ARHGAP10: variants seen among roughly 807,000 people sequenced by gnomAD.
The protein encoded by ARHGAP10 is rho GTPase-activating protein 10.
In ARHGAP10, 87 loss-of-function variants were observed where a neutral mutation model predicts 108.6. The ratio of observed to expected loss-of-function variants is 0.80; its 90% CI spans 0.67 to 0.96. The LOEUF is 0.96. Among genes scored for constraint, ARHGAP10 ranks in the 40% least tolerant of loss-of-function variants. The probability of loss-of-function intolerance (pLI) is 0.00; values close to 1 mark genes in which losing one functional copy is unlikely to be tolerated. For synonymous variants in ARHGAP10, 347 were observed against 341.1 expected, an observed-to-expected ratio of 1.02 and a Z score of -0.19; for missense variants, 939 against 954.5, an observed-to-expected ratio of 0.98 and a Z score of 0.21.
intron 18 of ARHGAP10, among the ~76,000 whole-genome samples, chr4:147,971,152 C>A (rs1394771697): frequency 6.6e-6 from 1 of 150,378 alleles, no homozygotes; most frequent in African/African-American, 2.4e-5. Context: ...GGTCTTTCTT[C>A]CTTTGTTAAC....
intron 20 of ARHGAP10, among the ~76,000 whole-genome samples, chr4:148,050,884 C>T (rs990029070): frequency 5.3e-5 from 8 of 152,148 alleles, no homozygotes; most frequent in Non-Finnish European, 8.8e-5. Context: ...ATTAAGATTC[C>T]TTTTAACCAA....
intron 1 of ARHGAP10, among the ~76,000 whole-genome samples, chr4:147,782,998 T>C (rs551762090): frequency 3.1e-4 from 43 of 137,890 alleles, no homozygotes; most frequent in African/African-American, 1.1e-3. Context: ...TTATATATAT[T>C]ATATAAATTA....
chr4:148,070,331 A>AT (rs905385675), intron 22 of ARHGAP10, among the ~76,000 whole-genome samples: 34 of 152,204 alleles, frequency 2.2e-4, no homozygotes, highest in African/African-American at 8.2e-4. Context: ...AGGGAATAGC[A>AT]TTCAGGCCCA....
At chr4:147,781,185 C>T (rs1430853642) in intron 1 of ARHGAP10, among the ~76,000 whole-genome samples, 2 of 152,002 alleles carry the variant, frequency 1.3e-5, no homozygotes, top group Admixed American at 6.6e-5. Context: ...GGTGAAACCC[C>T]GTCTCTACTA....
At chr4:147,837,334 C>T (rs1346068229) in intron 3 of ARHGAP10, among the ~76,000 whole-genome samples, 1 of 152,158 alleles carries the variant, frequency 6.6e-6, no homozygotes. Flanking sequence ...TTATACGGTT[C>T]TGAAATTCTA....
rs1157488823 is a variant in ARHGAP10 at position 147,784,811 on chromosome 4, A to G, written c.155-37916A>G. 3.5e-3 allele frequency among the ~76,000 whole-genome samples: 94 copies of G among 27,092 alleles called. 13 individuals carry two copies. The highest frequency in any genetic ancestry group is 0.013 in the Non-Finnish European group (85 of 6,556). 17.8% of individuals were successfully genotyped at this position (27,092 alleles called of 152,430 possible). On this transcript the variant is annotated intron_variant, in intron 1 of 22. Coordinates refer to ENST00000336498, the MANE Select transcript of ARHGAP10 (RefSeq NM_024605.4). ...AAAATATATATTATAAATATAATAT[A>G]TTATAAAATATATATTATAAATATA...
At chr4:147,818,506 C>T (rs1027497319) in intron 1 of ARHGAP10, among the ~76,000 whole-genome samples, 16 of 144,664 alleles carry the variant, frequency 1.1e-4, no homozygotes, top group East Asian at 2.0e-4. Context: ...GCGGAGTTTG[C>T]GGTGAGCTGA....
intron 18 of ARHGAP10, among the ~76,000 whole-genome samples, chr4:148,002,921 C>T (rs1191992306): frequency 6.6e-6 from 1 of 152,122 alleles, no homozygotes; most frequent in East Asian, 1.9e-4. Context: ...TCCTTCAATT[C>T]TGCTCTGATC....
chr4:148,027,463 T>C (rs1052792092), intron 19 of ARHGAP10, among the ~76,000 whole-genome samples: 2 of 152,246 alleles, frequency 1.3e-5, no homozygotes, highest in Non-Finnish European at 2.9e-5. Flanking sequence ...GTTATTGTAG[T>C]CCTACAGCGT....
intron 9 of ARHGAP10, 68 bp from the exon 10 acceptor site, chr4:147,881,770 A>T (rs760986574): frequency 6.3e-6 from 9 of 1,437,274 alleles, no homozygotes; most frequent in Admixed American, 1.8e-5. Flanking sequence ...GCTCTCCAGT[A>T]TAGAATGGCT....
chr4:147,901,942 G>C (rs1460814424), intron 10 of ARHGAP10, among the ~76,000 whole-genome samples: 1 of 152,200 alleles, frequency 6.6e-6, no homozygotes, highest in African/African-American at 2.4e-5. Flanking sequence ...GAGAGGACAA[G>C]GAATTTCCTT....
At chr4:147,999,522 C>T (rs1740611718) in intron 18 of ARHGAP10, among the ~76,000 whole-genome samples, 2 of 152,204 alleles carry the variant, frequency 1.3e-5, no homozygotes, top group African/African-American at 4.8e-5. Flanking sequence ...TGCTCCTGAT[C>T]CAGTGAGGCG....
chr4:147,742,883 A>G (rs1728743265), intron 1 of ARHGAP10, among the ~76,000 whole-genome samples: 1 of 144,744 alleles, frequency 6.9e-6, no homozygotes, highest in Admixed American at 7.3e-5. Flanking sequence ...TAGTGTTGAA[A>G]TCTGATGTAT....
chr4:147,761,030 T>A (rs1729567857), intron 1 of ARHGAP10, among the ~76,000 whole-genome samples: 2 of 151,972 alleles, frequency 1.3e-5, no homozygotes, highest in Non-Finnish European at 2.9e-5. Context: ...TTTTTTTTTT[T>A]TTTTGACACA....
intron 3 of ARHGAP10, among the ~76,000 whole-genome samples, chr4:147,838,298 A>G (rs1307173135): frequency 6.6e-6 from 1 of 152,138 alleles, no homozygotes; most frequent in Admixed American, 6.5e-5. Flanking sequence ...CCATTTGGAC[A>G]GTCTCTTTAA....
intron 13 of ARHGAP10, among the ~76,000 whole-genome samples, chr4:147,920,591 T>C (rs1409469877): frequency 6.6e-6 from 1 of 152,210 alleles, no homozygotes; most frequent in Non-Finnish European, 1.5e-5. Flanking sequence ...TCACAGGACA[T>C]GCATAGTCAT....
intron 10 of ARHGAP10, among the ~76,000 whole-genome samples, chr4:147,895,884 T>C (rs1040166804): frequency 1.3e-5 from 2 of 152,224 alleles, no homozygotes; most frequent in African/African-American, 4.8e-5. Flanking sequence ...GAAAATTGCT[T>C]GTAGATGCCC....
At chr4:148,059,884 G>A (rs577933755) in intron 20 of ARHGAP10, among the ~76,000 whole-genome samples, 1 of 152,212 alleles carries the variant, frequency 6.6e-6, no homozygotes, top group African/African-American at 2.4e-5. Flanking sequence ...AGGCAATGCA[G>A]CTTGGGCCAG....
intron 4 of ARHGAP10, among the ~76,000 whole-genome samples, chr4:147,849,038 G>A (rs1398614049): frequency 1.3e-5 from 2 of 152,180 alleles, no homozygotes; most frequent in Non-Finnish European, 2.9e-5. Flanking sequence ...TACAGTATGT[G>A]TGTTGACTGT....
Sources: allele counts gnomAD v4.1 joint callset (sites outside exome capture counted in the v4.1 genomes callset), GRCh38; gene constraint gnomAD v4.1.1; transcripts MANE v1.5; gene names NCBI Gene and HGNC (gene_info 2026-07-23, HGNC 2026-07-21).